The following SLC24A2 variants were observed in gnomAD, a reference collection of about 807,000 sequenced individuals.
SLC24A2 encodes the protein solute carrier family 24 member 2.
In SLC24A2, 36 loss-of-function variants were observed where a neutral mutation model predicts 62.0. That is an observed-to-expected ratio of 0.58 (90% CI 0.44 to 0.77). SLC24A2 has a LOEUF of 0.77. Ranked by LOEUF, SLC24A2 falls within the 30% of genes least tolerant of loss-of-function variation. SLC24A2 has a pLI of 0.00. For missense variants in SLC24A2, 846 were observed against 817.9 expected, an observed-to-expected ratio of 1.03 and a Z score of -0.42; for synonymous variants, 358 against 294.0, an observed-to-expected ratio of 1.22 and a Z score of -2.23.
rs147821167 is a variant in SLC24A2 at position 19,612,523 on chromosome 9, A to G, written c.1078+7061T>C. Among the ~76,000 whole-genome samples, 26 of 152,282 alleles carry G rather than the reference A, an allele frequency of 1.7e-4. No homozygotes were observed. The East Asian group carries it at 3.3e-3, about 19-fold the overall frequency. On this transcript the variant is annotated intron_variant, in intron 4 of 10. Transcript: ENST00000341998. The stretch of plus-strand genomic sequence containing the variant: ...ATTAAAACAACCCTATGAGGTAGGT[A>G]TTATTACTCTCTTTCTACAAATGAG...
chr9:20,224,586 G>A, the SLC24A2 span, among the ~76,000 whole-genome samples: 1 of 151,690 alleles, frequency 6.6e-6, no homozygotes, highest in Admixed American at 6.6e-5. Context: ...TGCCTTCAAG[G>A]TAAATCCTAG....
At chr9:19,703,081 G>A (rs1033200553) in intron 2 of SLC24A2, among the ~76,000 whole-genome samples, 1 of 152,162 alleles carries the variant, frequency 6.6e-6, no homozygotes, top group Admixed American at 6.5e-5. Context: ...GTTTGTGTGT[G>A]TAAGTGTGTG....
the SLC24A2 span, among the ~76,000 whole-genome samples, chr9:20,295,053 T>TATATAC: frequency 2.1e-5 from 3 of 144,374 alleles, no homozygotes; most frequent in African/African-American, 7.8e-5. Flanking sequence ...TATATATATA[T>TATATAC]ACACACACAC....
At chr9:20,076,045 T>A in the SLC24A2 span, among the ~76,000 whole-genome samples, 1 of 152,210 alleles carries the variant, frequency 6.6e-6, no homozygotes. Context: ...GTTTAGGGAA[T>A]AATAACAAGA....
chr9:20,240,615 T>C, the SLC24A2 span, among the ~76,000 whole-genome samples: 3 of 152,284 alleles, frequency 2.0e-5, no homozygotes, highest in East Asian at 1.9e-4. Flanking sequence ...AACTCTAAGA[T>C]TGGCACTCAG....
the SLC24A2 span, among the ~76,000 whole-genome samples, chr9:19,886,819 T>C: frequency 1.3e-5 from 2 of 152,182 alleles, no homozygotes; most frequent in African/African-American, 4.8e-5. Flanking sequence ...CAATCAATGA[T>C]AGACTAGATG....
chr9:20,087,752 G>A, the SLC24A2 span, among the ~76,000 whole-genome samples: 1 of 152,204 alleles, frequency 6.6e-6, no homozygotes, highest in Non-Finnish European at 1.5e-5. Context: ...GAAATGGAAG[G>A]AGTGAGTAAG....
the SLC24A2 span, among the ~76,000 whole-genome samples, chr9:19,953,184 G>A: frequency 7.2e-5 from 11 of 151,978 alleles, no homozygotes; most frequent in Admixed American, 2.0e-4. Context: ...GACTATAAGC[G>A]TAACGATTTC....
the SLC24A2 span, among the ~76,000 whole-genome samples, chr9:20,124,267 G>A: frequency 6.6e-6 from 1 of 151,190 alleles, no homozygotes; most frequent in Non-Finnish European, 1.5e-5. Flanking sequence ...AAAGGGAGAA[G>A]GGCTTCACAC....
chr9:19,560,292 T>A (rs1462174923), intron 7 of SLC24A2, among the ~76,000 whole-genome samples: 1 of 148,218 alleles, frequency 6.7e-6, no homozygotes, highest in African/African-American at 2.5e-5. Context: ...ACTGAAAGTT[T>A]ATGAGCCCGC....
chr9:19,773,994 T>C (rs1822767568), intron 2 of SLC24A2, among the ~76,000 whole-genome samples: 1 of 152,076 alleles, frequency 6.6e-6, no homozygotes, highest in Admixed American at 6.6e-5. Context: ...AGGGATTGGT[T>C]GGGGAACTGC....
chr9:19,967,408 T>A, the SLC24A2 span: 1 of 152,246 alleles, frequency 6.6e-6, no homozygotes, highest in African/African-American at 2.4e-5. Flanking sequence ...GAAGTGTCTC[T>A]TAATCTATGC....
At chr9:20,088,961 C>T in the SLC24A2 span, among the ~76,000 whole-genome samples, 3 of 152,186 alleles carry the variant, frequency 2.0e-5, no homozygotes, top group Admixed American at 6.5e-5. Flanking sequence ...CATATTGCCA[C>T]GCCCTAAAGA....
the SLC24A2 span, among the ~76,000 whole-genome samples, chr9:19,936,792 C>G: frequency 2.6e-5 from 4 of 152,012 alleles, no homozygotes; most frequent in Non-Finnish European, 5.9e-5. Flanking sequence ...GATATTATCT[C>G]AAGATGATAA....
chr9:19,900,839 T>G, the SLC24A2 span, among the ~76,000 whole-genome samples: 1 of 152,140 alleles, frequency 6.6e-6, no homozygotes, highest in East Asian at 1.9e-4. Flanking sequence ...GGAAATATGC[T>G]CTTCATCAAT....
the SLC24A2 span, among the ~76,000 whole-genome samples, chr9:19,873,822 T>C: frequency 6.6e-6 from 1 of 152,102 alleles, no homozygotes; most frequent in Non-Finnish European, 1.5e-5. Context: ...CTGACTGAAC[T>C]CCATGTACTT....
At chr9:19,551,393 GA>G (rs1254467269) in intron 7 of SLC24A2, among the ~76,000 whole-genome samples, 2 of 152,196 alleles carry the variant, frequency 1.3e-5, no homozygotes, top group African/African-American at 2.4e-5. Context: ...GTCAGGGCTA[GA>G]AGAGATGGAG....
At chr9:19,561,520 C>G (rs186262564) in intron 7 of SLC24A2, among the ~76,000 whole-genome samples, 1 of 147,982 alleles carries the variant, frequency 6.8e-6, no homozygotes, top group African/African-American at 2.5e-5. Flanking sequence ...CTGCAACCTC[C>G]GCCTCCTGGG....
the SLC24A2 span, among the ~76,000 whole-genome samples, chr9:20,292,419 G>A: frequency 6.6e-6 from 1 of 152,204 alleles, no homozygotes; most frequent in Admixed American, 6.5e-5. Context: ...GATGAGGTAA[G>A]TCACATATAC....
Sources: allele counts gnomAD v4.1 joint callset (sites outside exome capture counted in the v4.1 genomes callset), GRCh38; gene constraint gnomAD v4.1.1; transcripts MANE v1.5; gene names NCBI Gene and HGNC (gene_info 2026-07-23, HGNC 2026-07-21).